FLRT3: variants seen among roughly 807,000 people sequenced by gnomAD.
FLRT3 encodes leucine-rich repeat transmembrane protein FLRT3.
Under a neutral mutation model 42.6 loss-of-function variants are expected in FLRT3, and 17 were observed. The observed-to-expected ratio is 0.40, with a 90% CI of 0.27 to 0.60. FLRT3 has a LOEUF of 0.60. FLRT3 is among the 20% of genes least tolerant of loss of function. The pLI is 0.44. For missense variants in FLRT3, 635 were observed against 789.2 expected (o/e 0.80, Z 2.34); for synonymous variants, 279 against 286.4 (o/e 0.97, Z 0.26).
chr20:14,330,412 T>C (rs1413004157), intron 1 of FLRT3, among the ~76,000 whole-genome samples: 5 of 152,050 alleles, frequency 3.3e-5, no homozygotes, highest in Admixed American at 3.3e-4. Flanking sequence ...ACTAAAGTAG[T>C]AGCAATTTGC....
rs1291648460 is a variant in FLRT3 at position 14,324,333 on chromosome 20, C to T, written c.*1224G>A. 1 of 151,738 alleles carries T rather than the reference C, an allele frequency of 6.6e-6. No individual in the cohort carries two copies. The highest frequency in any genetic ancestry group is 2.4e-5 in the African/African-American group (1 of 41,194). The allele number at this position is 151,738 out of a possible 1,614,324, so 9.4% of individuals were successfully genotyped here. A position where few individuals can be genotyped will look rare whatever the true frequency, so the allele number is the denominator to read the frequency against. On this transcript the variant is annotated 3_prime_UTR_variant, in exon 3 of 3. Coordinates refer to ENST00000341420, the MANE Select transcript of FLRT3 (RefSeq NM_198391.3). ...GCAACAGAAAAGTGATATGGTTTTT[C>T]AACAAGTAACAGCTCACAATTCAGT...
intron 1 of FLRT3, among the ~76,000 whole-genome samples, chr20:14,336,555 C>A (rs1157427879): frequency 6.6e-6 from 1 of 152,086 alleles, no homozygotes; most frequent in East Asian, 1.9e-4. Flanking sequence ...TTATAAGTTG[C>A]AAAGAATGGA....
chr20:14,335,828 T>C (rs1183781507), intron 1 of FLRT3, among the ~76,000 whole-genome samples: 1 of 152,328 alleles, frequency 6.6e-6, no homozygotes, highest in East Asian at 1.9e-4. Context: ...TTTGTAACTC[T>C]GTTTTTATTT....
rs1433795820 is a variant in FLRT3, at chr20:14,326,899, C to T, written c.608G>A (p.Arg203His). The change falls in exon 3 of 3, where the codon CGC (arginine) becomes CAC (histidine). Residue 203 changes from arginine (R) to histidine (H), a missense_variant. Arg to His is a conservative substitution (Grantham distance 29). Transcript: ENST00000341420. This position sits in a 1 kb window ranked among gnomAD's most constrained non-coding sequence, Gnocchi z 5.5. ...PSLQGLTSLK[R>H]LVLDGNLLNN... Reference sequence around the variant, plus strand: ...CAACAGGTTTCCATCTAGAACCAGGCGTTTTAGACTAGTGAGACCTTGAAG... The same window carrying T: ...CAACAGGTTTCCATCTAGAACCAGGTGTTTTAGACTAGTGAGACCTTGAAG... 6 of 1,613,670 alleles carry T rather than the reference C, an allele frequency of 3.7e-6. No individual in the cohort carries two copies. In the African/African-American group the frequency reaches 4.0e-5, roughly 11 times the overall value.
At chr20:14,332,572 T>A (rs920597840) in intron 1 of FLRT3, among the ~76,000 whole-genome samples, 4 of 152,310 alleles carry the variant, frequency 2.6e-5, no homozygotes, top group Non-Finnish European at 5.9e-5. Flanking sequence ...AGTCATTTTT[T>A]AAAAATATTA....
At position 14,329,171 on chromosome 20, in the gene FLRT3, C is replaced by G. The variant is rs1016452006; in HGVS notation, c.-90G>C. On this transcript the variant is annotated 5_prime_UTR_variant, in exon 2 of 3. Transcript: ENST00000341420. ...AGCTATTTCCAGCTTTTGCTTCTTG[C>G]TGATTTTTCAGAATGTCTGGTGCAG... is the stretch of plus-strand genomic sequence containing the variant. The G allele has an allele frequency of 2.6e-5, 4 of 151,250 alleles. No individual in the cohort carries two copies. Among genetic ancestry groups the G allele is most frequent in the African/African-American group, 9.7e-5 (4 of 41,414 alleles). 9.4% of individuals were successfully genotyped at this position (151,250 alleles called of 1,614,324 possible).
chr20:14,335,456 T>C (rs1430333659), intron 1 of FLRT3, among the ~76,000 whole-genome samples: 1 of 152,194 alleles, frequency 6.6e-6, no homozygotes, highest in Non-Finnish European at 1.5e-5. Flanking sequence ...AATTAACACT[T>C]GAAAGCAAAA....
rs1039724367 is a variant in FLRT3 at position 14,324,386 on chromosome 20, C to A, written c.*1171G>T. 6.6e-6 allele frequency: 1 copy of A among 152,298 alleles called. No homozygotes were observed. Among genetic ancestry groups the A allele is most frequent in the Non-Finnish European group, 1.5e-5 (1 of 67,958 alleles). 9.4% of individuals were successfully genotyped at this position (152,298 alleles called of 1,614,324 possible). On this transcript the variant is annotated 3_prime_UTR_variant, in exon 3 of 3. Transcript: ENST00000341420. Reference sequence around the variant, plus strand: ...GAAGCTAGAAGGAAATGTTACATTACGAGTTCATTATATAATATCTGGAAA... The same window carrying A: ...GAAGCTAGAAGGAAATGTTACATTAAGAGTTCATTATATAATATCTGGAAA...
intron 1 of FLRT3, among the ~76,000 whole-genome samples, chr20:14,334,693 G>A (rs552967848): frequency 3.5e-4 from 54 of 152,142 alleles, no homozygotes; most frequent in East Asian, 1.2e-3. Context: ...GAGGAAAGAC[G>A]GAGGGGAGAA....
At position 14,329,206 on chromosome 20, in the gene FLRT3, A is replaced by C. The variant is rs923373199; in HGVS notation, c.-125T>G. On this transcript the variant is annotated 5_prime_UTR_variant, in exon 2 of 3. Coordinates refer to ENST00000341420, the MANE Select transcript of FLRT3 (RefSeq NM_198391.3). ...AGAATGTCTGGTGCAGTCACGTTAT[A>C]CAAGAACAGGTATTCTCTTTTAAGA... 1 of 152,128 alleles carries C rather than the reference A, an allele frequency of 6.6e-6. No individual in the cohort carries two copies. The highest frequency in any genetic ancestry group is 2.4e-5 in the African/African-American group (1 of 41,446). 9.4% of individuals were successfully genotyped at this position (152,128 alleles called of 1,614,324 possible).
intron 1 of FLRT3, among the ~76,000 whole-genome samples, chr20:14,331,426 C>A (rs895206480): frequency 1.3e-5 from 2 of 152,066 alleles, no homozygotes; most frequent in African/African-American, 4.8e-5. Flanking sequence ...ATTTGCCATT[C>A]ATACAATAGT....
chr20:14,330,074 A>G (rs993715447), intron 1 of FLRT3, among the ~76,000 whole-genome samples: 1 of 152,064 alleles, frequency 6.6e-6, no homozygotes, highest in African/African-American at 2.4e-5. Context: ...TAGAAGGGAC[A>G]CTATTATTTC....
In FLRT3 at chr20:14,337,546, C is replaced by A. The variant is rs577898119; in HGVS notation, c.-389G>T. Reference sequence around the variant, plus strand: ...AAGCCCACGGCAGCTGCAGGCTGAGCTTGTCCTGCTTCAGATCACTCCTAC... The same window carrying A: ...AAGCCCACGGCAGCTGCAGGCTGAGATTGTCCTGCTTCAGATCACTCCTAC... On this transcript the variant is annotated 5_prime_UTR_variant, in exon 1 of 3. Coordinates refer to ENST00000341420, the MANE Select transcript of FLRT3 (RefSeq NM_198391.3). 3.5e-5 allele frequency: 14 copies of A among 398,630 alleles called. No individual in the cohort carries two copies. The East Asian group carries it at 5.0e-4, about 14-fold the overall frequency. 24.7% of individuals were successfully genotyped at this position (398,630 alleles called of 1,614,324 possible).
In FLRT3 at chr20:14,325,265, A is replaced by G; in HGVS notation, c.*292T>C. ...AGTCATCTTACTCAGTAGAACACAA[A>G]GTAAATGGTTTATAACTCCAATATT... On this transcript the variant is annotated 3_prime_UTR_variant, in exon 3 of 3. Coordinates refer to ENST00000341420, the MANE Select transcript of FLRT3 (RefSeq NM_198391.3). The G allele has an allele frequency of 4.2e-6, 1 of 236,094 alleles. No homozygotes were observed. Among genetic ancestry groups the G allele is most frequent in the Non-Finnish European group, 8.1e-6 (1 of 123,220 alleles). The allele number at this position is 236,094 out of a possible 1,614,324, so 14.6% of individuals were successfully genotyped here. A position where few individuals can be genotyped will look rare whatever the true frequency, so the allele number is the denominator to read the frequency against.
In FLRT3 at chr20:14,327,137, G is replaced by A; in HGVS notation, c.370C>T (p.Leu124Phe). 6.2e-7 allele frequency: 1 copy of A among 1,613,772 alleles called. No homozygotes were observed. Among genetic ancestry groups the A allele is most frequent in the Non-Finnish European group, 8.5e-7 (1 of 1,179,790 alleles). Residue 124 changes from leucine to phenylalanine, a missense_variant, in exon 3 of 3, where the codon CTT (leucine) becomes TTT (phenylalanine). Transcript: ENST00000341420. The stretch of plus-strand genomic sequence containing the variant: ...TCTTCCAGATAGGGAATTTTTGAAA[G>A]TGAATCATAAGTGATAGTCCTTATG... ...NNIRTITYDS[L>F]SKIPYLEELH...
chr20:14,326,372 C>T lies in FLRT3; in HGVS notation c.1135G>A (p.Gly379Arg), dbSNP rs780013962. 37 of 1,613,774 alleles carry T rather than the reference C, an allele frequency of 2.3e-5. No homozygotes were observed. The highest frequency in any genetic ancestry group is 3.3e-4 in the Middle Eastern group (2 of 6,080). The part of the protein sequence containing the change: ...AIPNTVYPAQ[G>R]QWPAPVTKQP... ...TTGGTCACTGGAGCTGGCCACTGTC[C>T]TTGGGCAGGATACACTGTGTTGGGT... The change falls in exon 3 of 3, where the codon GGA becomes AGA. Residue 379 changes from glycine to arginine, a missense_variant. Coordinates refer to ENST00000341420, the MANE Select transcript of FLRT3 (RefSeq NM_198391.3). This position sits in a 1 kb window ranked among gnomAD's most constrained non-coding sequence, Gnocchi z 5.5.
chr20:14,330,971 A>G lies in FLRT3; in HGVS notation c.-246-1644T>C, dbSNP rs567584805. ...TGTGGTTAATTTAAGTTTAGAAAAC[A>G]ATTGCTTATGTTAAATTGCATTAGA... is the stretch of plus-strand genomic sequence containing the variant. On this transcript the variant is annotated intron_variant, in intron 1 of 2. Coordinates refer to ENST00000341420, the MANE Select transcript of FLRT3 (RefSeq NM_198391.3). 1.1e-4 allele frequency among the ~76,000 whole-genome samples: 16 copies of G among 152,290 alleles called. No homozygotes were observed. In the South Asian group the frequency reaches 3.3e-3, roughly 32 times the overall value.
chr20:14,325,672 T>G lies in FLRT3; in HGVS notation c.1835A>C (p.His612Pro), dbSNP rs1325562633. The G allele has an allele frequency of 6.2e-7, 1 of 1,613,850 alleles. No individual in the cohort carries two copies. Among genetic ancestry groups the G allele is most frequent in the Admixed American group, 1.7e-5 (1 of 59,984 alleles). Residue 612 changes from histidine to proline, a missense_variant, in exon 3 of 3, where the codon CAC becomes CCC. By Grantham distance (77) the His-to-Pro change is moderately conservative. Transcript: ENST00000341420. ...EPISKEEFVI[H>P]TIFPPNGMNL... The stretch of plus-strand genomic sequence containing the variant: ...CATTCCATTAGGAGGAAATATGGTG[T>G]GTATTACAAACTCCTCCTTCGAGAT...
Position 14,323,095 on chromosome 20 carries a change from A to G in FLRT3, c.*2462T>C, listed in dbSNP as rs1208714871. On this transcript the variant is annotated 3_prime_UTR_variant, in exon 3 of 3. Coordinates refer to ENST00000341420, the MANE Select transcript of FLRT3 (RefSeq NM_198391.3). ...ACGCAAGCAATCAGTTCTTCAGCAG[A>G]TACCAGCTGGGTGTCCTCCAATTCA... 1.3e-5 allele frequency: 2 copies of G among 152,198 alleles called. No homozygotes were observed. Among genetic ancestry groups the G allele is most frequent in the East Asian group, 1.9e-4 (1 of 5,192 alleles). The allele number at this position is 152,198 out of a possible 1,614,324, so 9.4% of individuals were successfully genotyped here.
Sources: allele counts gnomAD v4.1 joint callset (sites outside exome capture counted in the v4.1 genomes callset), GRCh38; gene constraint gnomAD v4.1.1; non-coding constraint Gnocchi (gnomAD v3.1); transcripts MANE v1.5; gene names NCBI Gene and HGNC (gene_info 2026-07-23, HGNC 2026-07-21).